Variants in MICU2 observed in about 807,000 individuals in gnomAD.
MICU2 encodes the protein mitochondrial calcium uptake 2, also known as calcium uptake protein 2, mitochondrial.
Under a neutral mutation model 60.4 loss-of-function variants are expected in MICU2, and 64 were observed. That is an observed-to-expected ratio of 1.06 (90% CI 0.87 to 1.31). The LOEUF (loss-of-function observed/expected upper bound fraction) is 1.31, where lower values mean the gene tolerates loss of function less well. Ranked by LOEUF, MICU2 falls within the 50% of genes most tolerant of loss-of-function variation. The pLI, the probability that MICU2 is intolerant of heterozygous loss-of-function variation, is 0.00. For missense variants in MICU2, 569 were observed against 531.0 expected (o/e 1.07, Z -0.70); for synonymous variants, 201 against 175.0 (o/e 1.15, Z -1.17).
intron 6 of MICU2, among the ~76,000 whole-genome samples, chr13:21,518,431 T>TG (rs1886635197): frequency 1.3e-5 from 2 of 152,236 alleles, no homozygotes; most frequent in Non-Finnish European, 2.9e-5. Flanking sequence ...ACTTTGGTGC[T>TG]GATGAGTATG....
chr13:21,562,460 CTTTT>C, intron 2 of MICU2, among the ~76,000 whole-genome samples: 1 of 152,180 alleles, frequency 6.6e-6, no homozygotes, highest in African/African-American at 2.4e-5. Context: ...GTCTTCCACT[CTTTT>C]TTTGCCTTCT....
chr13:21,506,168 A>G (rs111927930), intron 8 of MICU2, among the ~76,000 whole-genome samples: 7,295 of 151,972 alleles, frequency 0.048, 579 homozygotes, highest in African/African-American at 0.17. Context: ...CTGGGACTAC[A>G]GGTGCACACC....
At chr13:21,579,041 T>C (rs947923456) in intron 1 of MICU2, among the ~76,000 whole-genome samples, 3 of 152,196 alleles carry the variant, frequency 2.0e-5, no homozygotes, top group Non-Finnish European at 2.9e-5. Context: ...AAGGTTTTAG[T>C]GGAGTTTTTC....
At chr13:21,588,270 T>G (rs527498243) in intron 1 of MICU2, among the ~76,000 whole-genome samples, 53 of 152,340 alleles carry the variant, frequency 3.5e-4, no homozygotes, top group African/African-American at 1.3e-3. Flanking sequence ...GGATCAAATA[T>G]TCCATCCACA....
At chr13:21,566,992 C>T in intron 1 of MICU2, 48 bp from the exon 2 acceptor site, 1 of 1,505,096 alleles carries the variant, frequency 6.6e-7, no homozygotes. Context: ...GTGTTATTCC[C>T]AGTCACTTCT....
chr13:21,508,375 C>T (rs1265047899), intron 8 of MICU2, among the ~76,000 whole-genome samples: 3 of 152,080 alleles, frequency 2.0e-5, no homozygotes, highest in Non-Finnish European at 4.4e-5. Flanking sequence ...TCCACCACCT[C>T]GGCCTTCCAA....
chr13:21,595,281 ACT>A (rs1888668789), intron 1 of MICU2, among the ~76,000 whole-genome samples: 1 of 152,136 alleles, frequency 6.6e-6, no homozygotes, highest in South Asian at 2.1e-4. Flanking sequence ...AGCTGGGATA[ACT>A]CTGTCCACAG....
intron 1 of MICU2, among the ~76,000 whole-genome samples, chr13:21,577,664 G>A (rs1244057414): frequency 6.6e-6 from 1 of 151,944 alleles, no homozygotes; most frequent in African/African-American, 2.4e-5. Flanking sequence ...AATTAGCTAG[G>A]TGTGGTGGCG....
At chr13:21,572,153 A>G (rs889815834) in intron 1 of MICU2, among the ~76,000 whole-genome samples, 3 of 152,368 alleles carry the variant, frequency 2.0e-5, no homozygotes, top group Admixed American at 6.5e-5. Flanking sequence ...TAACAGCCTG[A>G]CAGTAAGGCA....
intron 9 of MICU2, 58 bp from the exon 10 acceptor site, chr13:21,496,218 T>C: frequency 7.8e-7 from 1 of 1,277,380 alleles, no homozygotes; most frequent in Non-Finnish European, 1.1e-6. Flanking sequence ...ATCTTATAAA[T>C]GTTAACTATG....
intron 1 of MICU2, among the ~76,000 whole-genome samples, chr13:21,572,467 AG>A (rs1888133539): frequency 6.6e-6 from 1 of 152,204 alleles, no homozygotes; most frequent in Admixed American, 6.5e-5. Flanking sequence ...GTGGAGAGAA[AG>A]GGAGTAGTCC....
At position 21,492,814 on chromosome 13, in the gene MICU2, TA is replaced by T. The variant is rs1194160091; in HGVS notation, c.*434del. 1 of 152,764 alleles carries T rather than the reference TA, an allele frequency of 6.5e-6. No homozygotes were observed. Among genetic ancestry groups the T allele is most frequent in the African/African-American group, 2.4e-5 (1 of 41,464 alleles). 9.5% of individuals were successfully genotyped at this position (152,764 alleles called of 1,614,324 possible). A position where few individuals can be genotyped will look rare whatever the true frequency, so the allele number is the denominator to read the frequency against. Reference sequence around the variant, plus strand: ...AAATATGCAATAAATTTATGAGATATAAGGTACAGATGAGAAAAATCTGAAA... The same window carrying T: ...AAATATGCAATAAATTTATGAGATATAGGTACAGATGAGAAAAATCTGAAA... On this transcript the variant is annotated 3_prime_UTR_variant, in exon 12 of 12. Coordinates refer to ENST00000382374, the MANE Select transcript of MICU2 (RefSeq NM_152726.3).
intron 2 of MICU2, among the ~76,000 whole-genome samples, chr13:21,544,526 A>AAC (rs911161795): frequency 9.5e-5 from 14 of 147,212 alleles, no homozygotes; most frequent in African/African-American, 3.0e-4. Flanking sequence ...GAAAAAAAAA[A>AAC]AAAAAAAACT....
At chr13:21,583,024 T>C (rs1888380856) in intron 1 of MICU2, 1 of 152,734 alleles carries the variant, frequency 6.5e-6, no homozygotes, top group South Asian at 2.0e-4. Context: ...AAGCAATCTT[T>C]TTACAACTAT....
At position 21,571,706 on chromosome 13, in the gene MICU2, A is replaced by T. The variant is rs184270909; in HGVS notation, c.211-4762T>A. Among the ~76,000 whole-genome samples, 487 of 152,174 alleles carry T rather than the reference A, an allele frequency of 3.2e-3. 5 individuals are homozygous for T. Among genetic ancestry groups the T allele is most frequent in the Non-Finnish European group, 9.6e-4 (65 of 67,996 alleles). On this transcript the variant is annotated intron_variant, in intron 1 of 11. Coordinates refer to ENST00000382374, the MANE Select transcript of MICU2 (RefSeq NM_152726.3). ...GAGCGAGACTGCGTCTCAAAAGGGGAAAAAAAAGAAAGGCAAAACAGAGTA... is the reference window on the plus strand; with the variant it reads ...GAGCGAGACTGCGTCTCAAAAGGGGTAAAAAAAGAAAGGCAAAACAGAGTA...
At chr13:21,516,909 C>A (rs1456294945) in intron 6 of MICU2, among the ~76,000 whole-genome samples, 1 of 152,196 alleles carries the variant, frequency 6.6e-6, no homozygotes, top group Admixed American at 6.5e-5. Flanking sequence ...GCAACCGATA[C>A]TAGGAAACAG....
At chr13:21,511,287 TGTG>T (rs1386582036) in intron 7 of MICU2, among the ~76,000 whole-genome samples, 1 of 152,128 alleles carries the variant, frequency 6.6e-6, no homozygotes, top group Non-Finnish European at 1.5e-5. Context: ...GAATATCATT[TGTG>T]CTCTACCAGA....
intron 1 of MICU2, among the ~76,000 whole-genome samples, chr13:21,600,793 C>CTATTAT (rs10622847): frequency 1.9e-3 from 294 of 150,836 alleles, no homozygotes; most frequent in African/African-American, 5.8e-3. Context: ...GACATATTCA[C>CTATTAT]TATTATTATT....
intron 1 of MICU2, among the ~76,000 whole-genome samples, chr13:21,589,159 T>C (rs977246239): frequency 9.2e-5 from 14 of 152,220 alleles, no homozygotes; most frequent in Non-Finnish European, 2.9e-5. Flanking sequence ...ACAAAGGTAC[T>C]GCAAGGTCTG....
Sources: allele counts gnomAD v4.1 joint callset (sites outside exome capture counted in the v4.1 genomes callset), GRCh38; gene constraint gnomAD v4.1.1; transcripts MANE v1.5; gene names NCBI Gene and HGNC (gene_info 2026-07-23, HGNC 2026-07-21).